PTPRK: variants seen among roughly 807,000 people sequenced by gnomAD.
The protein encoded by PTPRK is receptor-type tyrosine-protein phosphatase kappa.
PTPRK carries 75 observed loss-of-function variants against 178.0 expected under a neutral mutation model. The ratio of observed to expected loss-of-function variants is 0.42; its 90% CI spans 0.35 to 0.51. PTPRK has a LOEUF of 0.51. Ranked by LOEUF, PTPRK falls within the 20% of genes least tolerant of loss-of-function variation. The probability of loss-of-function intolerance (pLI) is 0.02; values close to 1 mark genes in which losing one functional copy is unlikely to be tolerated. For synonymous variants in PTPRK, 637 were observed against 620.6 expected (o/e 1.03, Z -0.39); for missense variants, 1,441 against 1,797.8 (o/e 0.80, Z 3.59).
At chr6:128,177,852 T>G (rs2114672127) in intron 7 of PTPRK, among the ~76,000 whole-genome samples, 1 of 151,876 alleles carries the variant, frequency 6.6e-6, no homozygotes, top group Non-Finnish European at 1.5e-5. Context: ...CCATAGAAAT[T>G]TAGAATAACA....
At chr6:128,055,822 A>C (rs1170779218) in intron 13 of PTPRK, among the ~76,000 whole-genome samples, 1 of 152,046 alleles carries the variant, frequency 6.6e-6, no homozygotes, top group Non-Finnish European at 1.5e-5. Flanking sequence ...GGTTGATCTC[A>C]AACTCCTGGC....
At chr6:128,391,263 C>G (rs1468766185) in intron 2 of PTPRK, among the ~76,000 whole-genome samples, 1 of 152,130 alleles carries the variant, frequency 6.6e-6, no homozygotes, top group East Asian at 1.9e-4. Context: ...GTTTTCCCAT[C>G]TACGTTAATG....
chr6:128,467,579 T>C (rs1850034662), intron 1 of PTPRK, among the ~76,000 whole-genome samples: 1 of 152,248 alleles, frequency 6.6e-6, no homozygotes, highest in African/African-American at 2.4e-5. Flanking sequence ...CTCTTCTTCA[T>C]ATTTCAGCAA....
intron 7 of PTPRK, among the ~76,000 whole-genome samples, chr6:128,103,821 C>G (rs938019630): frequency 1.3e-5 from 2 of 152,258 alleles, no homozygotes; most frequent in East Asian, 3.9e-4. Flanking sequence ...TCCTCTTTGA[C>G]CTGTCTTCCC....
chr6:128,346,061 A>G (rs577290993), intron 2 of PTPRK, among the ~76,000 whole-genome samples: 20 of 152,222 alleles, frequency 1.3e-4, no homozygotes, highest in Non-Finnish European at 2.5e-4. Flanking sequence ...CTTGGTATAG[A>G]GTTGCTTTCT....
intron 13 of PTPRK, 149 bp downstream of exon 13, chr6:128,064,609 C>G: frequency 3.4e-6 from 3 of 890,912 alleles, no homozygotes; most frequent in Non-Finnish European, 4.7e-6. Flanking sequence ...GGAAGTAGCA[C>G]CCCATTAGTT....
intron 7 of PTPRK, among the ~76,000 whole-genome samples, chr6:128,138,341 T>C (rs903812109): frequency 2.0e-5 from 3 of 152,156 alleles, no homozygotes; most frequent in Non-Finnish European, 4.4e-5. Context: ...TTTCCCTTTT[T>C]AATTATTTCC....
chr6:128,367,105 A>G (rs540836137), intron 2 of PTPRK, among the ~76,000 whole-genome samples: 39 of 152,222 alleles, frequency 2.6e-4, no homozygotes, highest in African/African-American at 9.1e-4. Flanking sequence ...TAAGGATGTA[A>G]ACTCCATAAG....
At chr6:128,506,475 G>C (rs1856359869) in intron 1 of PTPRK, among the ~76,000 whole-genome samples, 1 of 151,408 alleles carries the variant, frequency 6.6e-6, no homozygotes, top group South Asian at 2.1e-4. Context: ...TTTATACATG[G>C]CAAGACCCTG....
At chr6:128,478,834 T>G (rs1374073147) in intron 1 of PTPRK, among the ~76,000 whole-genome samples, 1 of 152,168 alleles carries the variant, frequency 6.6e-6, no homozygotes, top group African/African-American at 2.4e-5. Flanking sequence ...GATATATTGC[T>G]AGGAAATAAA....
chr6:128,246,862 C>A (rs563851756), intron 3 of PTPRK, among the ~76,000 whole-genome samples: 1 of 152,186 alleles, frequency 6.6e-6, no homozygotes, highest in East Asian at 1.9e-4. Context: ...TGATTCTAAT[C>A]AAATTTTTGC....
intron 7 of PTPRK, among the ~76,000 whole-genome samples, chr6:128,091,697 T>G (rs574948745): frequency 2.7e-5 from 4 of 148,452 alleles, no homozygotes; most frequent in South Asian, 4.2e-4. Context: ...ATTCTTTAAT[T>G]TTTTATTTTT....
chr6:128,247,359 A>C (rs1217368546), intron 3 of PTPRK, among the ~76,000 whole-genome samples: 2 of 152,020 alleles, frequency 1.3e-5, no homozygotes, highest in Non-Finnish European at 2.9e-5. Flanking sequence ...TTGGTCTGTC[A>C]CACAGGCTGG....
intron 1 of PTPRK, 126 bp downstream of exon 1, chr6:128,520,133 T>C (rs544524872): frequency 1.3e-6 from 1 of 788,066 alleles, no homozygotes; most frequent in East Asian, 2.8e-5. Context: ...CTCTACCCTG[T>C]GTTCCCCACC....
chr6:128,261,516 A>G (rs1246243786), intron 3 of PTPRK, among the ~76,000 whole-genome samples: 1 of 152,182 alleles, frequency 6.6e-6, no homozygotes, highest in Non-Finnish European at 1.5e-5. Flanking sequence ...AGTAAAAACT[A>G]GCCAGATGTC....
chr6:128,349,373 CA>C (rs1334955912), intron 2 of PTPRK, among the ~76,000 whole-genome samples: 2 of 152,104 alleles, frequency 1.3e-5, no homozygotes, highest in Non-Finnish European at 2.9e-5. Flanking sequence ...TGTACAATTG[CA>C]GATGAATGAG....
At position 128,175,486 on chromosome 6, in the gene PTPRK, G is replaced by T. The variant is rs976978370; in HGVS notation, c.1162+8946C>A. ...ACATAAGAATGGTTACATACATTCA[G>T]ATATATATATATATCCAACAGAATA... On this transcript the variant is annotated intron_variant, in intron 7 of 29. Coordinates refer to ENST00000368226, the MANE Select transcript of PTPRK (RefSeq NM_002844.4). Among the ~76,000 whole-genome samples the T allele has an allele frequency of 9.9e-5, 15 of 150,878 alleles. No individual in the cohort carries two copies. In the East Asian group the frequency reaches 2.5e-3, roughly 25 times the overall value.
chr6:128,371,154 A>C (rs1836220103), intron 2 of PTPRK, among the ~76,000 whole-genome samples: 1 of 152,162 alleles, frequency 6.6e-6, no homozygotes, highest in Non-Finnish European at 1.5e-5. Flanking sequence ...CAGCAAAAAA[A>C]CTCAAAAAAC....
At chr6:128,375,069 T>G (rs1836844929) in intron 2 of PTPRK, among the ~76,000 whole-genome samples, 1 of 146,002 alleles carries the variant, frequency 6.8e-6, no homozygotes, top group African/African-American at 2.5e-5. Context: ...ATTATTATTA[T>G]TATTATTATT....
Sources: gnomAD v4.1 joint callset for allele counts (sites outside exome capture counted in the v4.1 genomes callset) on GRCh38, gnomAD v4.1.1 for gene constraint, MANE v1.5 for transcripts, NCBI Gene and HGNC (gene_info 2026-07-23, HGNC 2026-07-21) for gene names.